Variants in CDH23 observed in about 807,000 individuals in gnomAD.
The protein encoded by CDH23 is cadherin-23.
CDH23 carries 189 observed loss-of-function variants against 317.1 expected under a neutral mutation model. That is an observed-to-expected ratio of 0.60 (90% confidence interval 0.53 to 0.67). The LOEUF is 0.67. CDH23 is among the 30% of genes least tolerant of loss of function. The pLI is 0.00. For missense variants in CDH23, 4,401 were observed against 4,592.4 expected (o/e 0.96, Z 1.20); for synonymous variants, 1,839 against 1,876.8 (o/e 0.98, Z 0.52).
At chr10:71,405,972 T>G (rs927759506) in intron 1 of CDH23, among the ~76,000 whole-genome samples, 1 of 152,106 alleles carries the variant, frequency 6.6e-6, no homozygotes, top group African/African-American at 2.4e-5. Flanking sequence ...ATGTGCAGTT[T>G]TAAATTTTCT....
intron 3 of CDH23, among the ~76,000 whole-genome samples, chr10:71,461,591 A>G (rs1307689084): frequency 6.6e-6 from 1 of 152,146 alleles, no homozygotes; most frequent in Non-Finnish European, 1.5e-5. Flanking sequence ...CTTTTGCACG[A>G]TCCATGTCTC....
intron 14 of CDH23, among the ~76,000 whole-genome samples, chr10:71,672,947 C>T: frequency 6.6e-6 from 1 of 152,112 alleles, no homozygotes; most frequent in East Asian, 1.9e-4. Flanking sequence ...CCTTCCTGCA[C>T]ACCCCACTTT....
intron 15 of CDH23, among the ~76,000 whole-genome samples, chr10:71,675,500 G>A (rs183923560): frequency 5.9e-5 from 9 of 152,322 alleles, no homozygotes; most frequent in Admixed American, 5.2e-4. Context: ...ACCGCCAGCC[G>A]CAGTTACTAC....
At chr10:71,803,493 A>G in intron 55 of CDH23, 73 bp downstream of exon 55, 1 of 1,361,156 alleles carries the variant, frequency 7.3e-7, no homozygotes, top group East Asian at 2.5e-5. Flanking sequence ...GAGTGGAAGC[A>G]CCCCACTCTA....
intron 1 of CDH23, among the ~76,000 whole-genome samples, chr10:71,418,666 G>A (rs757612176): frequency 5.9e-5 from 9 of 152,218 alleles, no homozygotes; most frequent in South Asian, 2.1e-4. Flanking sequence ...TCGTCATACC[G>A]TAGCTTCTGT....
intron 61 of CDH23, 118 bp from the exon 62 acceptor site, chr10:71,810,354 T>C: frequency 3.1e-6 from 3 of 969,310 alleles, no homozygotes; most frequent in Non-Finnish European, 4.9e-6. Context: ...CATTCAAACA[T>C]TCAGTAGTGA....
intron 9 of CDH23, among the ~76,000 whole-genome samples, chr10:71,604,019 CTGGCCTG>C (rs1860387445): frequency 6.6e-6 from 1 of 152,222 alleles, no homozygotes; most frequent in Admixed American, 6.5e-5. Context: ...GGCAGACAGG[CTGGCCTG>C]GAATCCTGGC....
chr10:71,584,592 C>T lies in CDH23; in HGVS notation c.832+6600C>T, dbSNP rs146105670. Among the ~76,000 whole-genome samples, 48 of 110,198 alleles carry T rather than the reference C, an allele frequency of 4.4e-4. No homozygotes were observed. The East Asian group carries it at 0.011, about 25-fold the overall frequency. 72.3% of individuals were successfully genotyped at this position (110,198 alleles called of 152,430 possible). ...TGTGTGTGTACGCAGGGAGAATAATCAGATACAGTCAGACTTGCACAACCT... is the reference window on the plus strand; with the variant it reads ...TGTGTGTGTACGCAGGGAGAATAATTAGATACAGTCAGACTTGCACAACCT... On this transcript the variant is annotated intron_variant, in intron 9 of 69. Coordinates refer to ENST00000224721, the MANE Select transcript of CDH23 (RefSeq NM_022124.6).
At chr10:71,720,172 G>T (rs749073511) in intron 28 of CDH23, among the ~76,000 whole-genome samples, 1 of 152,192 alleles carries the variant, frequency 6.6e-6, no homozygotes, top group African/African-American at 2.4e-5. Flanking sequence ...GGAGAGTGCT[G>T]GTCCCTGGCA....
chr10:71,638,761 C>T (rs756360126), intron 11 of CDH23, among the ~76,000 whole-genome samples: 1 of 152,194 alleles, frequency 6.6e-6, no homozygotes, highest in Non-Finnish European at 1.5e-5. Flanking sequence ...GGTCAGCACA[C>T]GGAGCCGGGT....
At chr10:71,504,668 T>C (rs994011747) in intron 3 of CDH23, among the ~76,000 whole-genome samples, 2 of 152,214 alleles carry the variant, frequency 1.3e-5, no homozygotes, top group African/African-American at 4.8e-5. Flanking sequence ...CACAGAATCC[T>C]CTGCCGCACT....
At chr10:71,508,993 GC>G (rs1322209726) in intron 3 of CDH23, among the ~76,000 whole-genome samples, 1 of 152,202 alleles carries the variant, frequency 6.6e-6, no homozygotes, top group Non-Finnish European at 1.5e-5. Context: ...ACACAGGGGA[GC>G]TGTGAGCCCC....
intron 1 of CDH23, among the ~76,000 whole-genome samples, chr10:71,418,361 C>T (rs567626999): frequency 6.6e-6 from 1 of 152,324 alleles, no homozygotes; most frequent in South Asian, 2.1e-4. Flanking sequence ...AGGGCCTGAG[C>T]TGACTCCAGA....
chr10:71,455,600 C>T (rs1202643076), intron 3 of CDH23, among the ~76,000 whole-genome samples: 2 of 152,176 alleles, frequency 1.3e-5, no homozygotes, highest in African/African-American at 4.8e-5. Context: ...TCCCTGTCCT[C>T]ATGGAACTGA....
chr10:71,760,566 G>A (rs1840353709), intron 38 of CDH23: 1 of 297,878 alleles, frequency 3.4e-6, no homozygotes, highest in Admixed American at 4.7e-5. Context: ...GCGGCACTTA[G>A]CTGCCTGGGG....
At chr10:71,585,341 A>ACACCCCAT (rs1858978037) in intron 9 of CDH23, among the ~76,000 whole-genome samples, 1 of 152,140 alleles carries the variant, frequency 6.6e-6, no homozygotes, top group African/African-American at 2.4e-5. Flanking sequence ...ATGTACCAAA[A>ACACCCCAT]CACCCCATTC....
chr10:71,769,223 A>G (rs1287440360), intron 38 of CDH23, among the ~76,000 whole-genome samples: 1 of 15,066 alleles, frequency 6.6e-5, no homozygotes, highest in African/African-American at 3.3e-4. Context: ...ATATGTCTCT[A>G]AAACATTTGC....
Position 71,702,672 on chromosome 10 carries a change from C to T in CDH23, c.2711C>T (p.Pro904Leu), listed in dbSNP as rs199894395. Residue 904 changes from proline to leucine, a missense_variant, in exon 24 of 70, where the codon CCG (proline) becomes CTG (leucine). Physicochemically the swap from Pro to Leu is moderately conservative, Grantham distance 98. Coordinates refer to ENST00000224721, the MANE Select transcript of CDH23 (RefSeq NM_022124.6). ...PFVAEVLEGI[P>L]AGVSIYQVVA... Reference sequence around the variant, plus strand: ...GTGGCCGAGGTGCTTGAAGGCATCCCGGCGGGGGTCTCCATCTACCAAGTG... The same window carrying T: ...GTGGCCGAGGTGCTTGAAGGCATCCTGGCGGGGGTCTCCATCTACCAAGTG... 396 of 1,613,708 alleles carry T rather than the reference C, an allele frequency of 2.5e-4. No homozygotes were observed. Among genetic ancestry groups the T allele is most frequent in the Non-Finnish European group, 3.0e-4 (359 of 1,179,898 alleles).
intron 20 of CDH23, among the ~76,000 whole-genome samples, chr10:71,691,931 CT>C (rs1161123923): frequency 6.6e-6 from 1 of 152,186 alleles, no homozygotes; most frequent in Non-Finnish European, 1.5e-5. Context: ...CCCAGGGCCA[CT>C]GTGAGCCTCC....
Sources: gnomAD v4.1 joint callset for allele counts (sites outside exome capture counted in the v4.1 genomes callset) on GRCh38, gnomAD v4.1.1 for gene constraint, MANE v1.5 for transcripts, NCBI Gene and HGNC (gene_info 2026-07-23, HGNC 2026-07-21) for gene names.